ZNF112: variants seen among roughly 807,000 people sequenced by gnomAD.
ZNF112 encodes zinc finger protein 112.
A neutral mutation model predicts 77.7 loss-of-function variants in ZNF112; 37 were observed. The observed-to-expected ratio is 0.48, with a 90% confidence interval of 0.37 to 0.63. The LOEUF is 0.63. Ranked by LOEUF, ZNF112 falls within the 20% of genes least tolerant of loss-of-function variation. The pLI is 0.00. For missense variants in ZNF112, 950 were observed against 1,077.4 expected (o/e 0.88, Z 1.66); for synonymous variants, 333 against 363.6 (o/e 0.92, Z 0.96).
Position 44,328,408 on chromosome 19 carries a change from C to T in ZNF112, c.1749G>A (p.Gly583=). ...CTTGAAGGTATGAATTTCGACTGAACCCCTTCCCACATTCCTCACATTTAT... is the reference window on the plus strand; with the variant it reads ...CTTGAAGGTATGAATTTCGACTGAATCCCTTCCCACATTCCTCACATTTAT... ...KPYKCEECGK[G]FSRNSYLQGH... is the part of the protein sequence containing the mutation. Residue 583 remains glycine, a synonymous_variant, in exon 4 of 4, where the codon GGG becomes GGA. Transcript: ENST00000354340. The T allele has an allele frequency of 1.2e-6, 2 of 1,613,484 alleles. No individual in the cohort carries two copies. The highest frequency in any genetic ancestry group is 1.7e-4 in the Middle Eastern group (1 of 6,060).
intron 1 of ZNF112, among the ~76,000 whole-genome samples, chr19:44,364,680 A>T (rs1331508124): frequency 1.3e-5 from 2 of 152,236 alleles, no homozygotes; most frequent in Non-Finnish European, 2.9e-5. Flanking sequence ...TAACACAAAT[A>T]AAAAACCCAA....
rs2123139290 is a variant in ZNF112, at chr19:44,329,231, T to C, written c.926A>G (p.Asn309Ser). 1 of 1,613,884 alleles carries C rather than the reference T, an allele frequency of 6.2e-7. No individual in the cohort carries two copies. The highest frequency in any genetic ancestry group is 2.2e-5 in the East Asian group (1 of 44,860). ...TCTCTGATAGGATTTCAGATGTGAA[T>C]TCTCAATATCATCTTCTCTCTCAAT... ...QNIEREDDIE[N>S]SHLKSYQRVH... The change falls in exon 4 of 4, where the codon AAT (asparagine) becomes AGT (serine). Residue 309 changes from asparagine to serine, a missense_variant. Physicochemically the swap from Asn to Ser is conservative, Grantham distance 46 (BLOSUM62 1). Coordinates refer to ENST00000354340, the MANE Select transcript of ZNF112 (RefSeq NM_013380.4).
intron 1 of ZNF112, among the ~76,000 whole-genome samples, chr19:44,355,482 C>T (rs1970769948): frequency 6.6e-6 from 1 of 152,112 alleles, no homozygotes; most frequent in South Asian, 2.1e-4. Context: ...CTTGCTTTCA[C>T]GGTCCTCTAG....
intron 3 of ZNF112, among the ~76,000 whole-genome samples, chr19:44,335,961 G>A (rs1599918449): frequency 6.6e-6 from 1 of 152,326 alleles, no homozygotes; most frequent in Non-Finnish European, 1.5e-5. Flanking sequence ...CTGTGGCTAT[G>A]TCAAGAGATT....
intron 1 of ZNF112, among the ~76,000 whole-genome samples, chr19:44,362,204 A>T (rs1399637524): frequency 2.6e-5 from 4 of 152,080 alleles, no homozygotes; most frequent in Non-Finnish European, 4.4e-5. Flanking sequence ...CTCATATTGG[A>T]AGGAGGAGAA....
chr19:44,354,233 G>A lies in ZNF112; in HGVS notation c.-4+2393C>T, dbSNP rs543194382. The stretch of plus-strand genomic sequence containing the variant: ...GGTATGGTGAGGGGTAATTATGAGG[G>A]AAGACATGAGGGGAGTTTTTGGGGT... On this transcript the variant is annotated intron_variant, in intron 1 of 3. Transcript: ENST00000354340. 2.0e-5 allele frequency among the ~76,000 whole-genome samples: 3 copies of A among 152,190 alleles called. No homozygotes were observed. In the South Asian group the frequency reaches 6.2e-4, roughly 32 times the overall value.
rs563995564 is a variant in ZNF112, at chr19:44,366,007, A to G, written c.17+1074T>C. ...TCATTACAAAATGAAGCTCCAAAGA[A>G]ACAGTCAGTTATGTATACACTGTAG... On this transcript the variant is annotated intron_variant, in intron 1 of 4. Coordinates refer to the ZNF112 transcript ENST00000588057. Among the ~76,000 whole-genome samples the G allele has an allele frequency of 3.3e-5, 5 of 152,290 alleles. No homozygotes were observed. The South Asian group carries it at 1.0e-3, about 32-fold the overall frequency.
chr19:44,328,287 C>T lies in ZNF112; in HGVS notation c.1870G>A (p.Val624Ile), dbSNP rs1970173975. Residue 624 changes from valine to isoleucine, a missense_variant, in exon 4 of 4, where the codon GTC becomes ATC. Coordinates refer to ENST00000354340, the MANE Select transcript of ZNF112 (RefSeq NM_013380.4). ...TTGAATGGTTTTTCTCCAGTGTGGA[C>T]TCTCTGATGGCCTTGAAGGTGTGAA... ...RSSHLQGHQR[V>I]HTGEKPFKCE... The T allele has an allele frequency of 6.2e-7, 1 of 1,614,026 alleles. No individual in the cohort carries two copies. The highest frequency in any genetic ancestry group is 1.7e-5 in the Admixed American group (1 of 59,996).
At chr19:44,337,388 A>ATATATATTATACATATTT (rs1368185895) in intron 2 of ZNF112, among the ~76,000 whole-genome samples, 2 of 58,206 alleles carry the variant, frequency 3.4e-5, no homozygotes, top group Non-Finnish European at 6.0e-5. Flanking sequence ...ATATATAATA[A>ATATATATTATACATATTT]TATATATAAT....
At position 44,328,854 on chromosome 19, in the gene ZNF112, T is replaced by G; in HGVS notation, c.1303A>C (p.Asn435His). 1 of 1,614,056 alleles carries G rather than the reference T, an allele frequency of 6.2e-7. No homozygotes were observed. The highest frequency in any genetic ancestry group is 8.5e-7 in the Non-Finnish European group (1 of 1,179,972). The change falls in exon 4 of 4, where the codon AAT (asparagine) becomes CAT (histidine). Residue 435 changes from asparagine (N) to histidine (H), a missense_variant. Transcript: ENST00000354340. The stretch of plus-strand genomic sequence containing the variant: ...CCACACTCCTCAGAATTATATGAAT[T>G]CTCTTCCATATGAACCCTATGCTGA... ...DIQHRVHMEENSYNSEECGNG... is the reference protein window; with the variant it reads ...DIQHRVHMEEHSYNSEECGNG...
chr19:44,333,066 G>C (rs1263728191), intron 3 of ZNF112, among the ~76,000 whole-genome samples: 2 of 152,218 alleles, frequency 1.3e-5, no homozygotes, highest in Non-Finnish European at 2.9e-5. Flanking sequence ...GACATCATTT[G>C]AGGTAAGAAG....
chr19:44,327,334 T>C lies in ZNF112; in HGVS notation c.*99A>G. On this transcript the variant is annotated 3_prime_UTR_variant, in exon 4 of 4. Transcript: ENST00000354340. ...TGTGGTCTCCTGGCCATTATGAATG[T>C]TGAAGTTGGGCAGCAACATTACATT... 1.0e-6 allele frequency: 1 copy of C among 970,142 alleles called. No homozygotes were observed. The allele number at this position is 970,142 out of a possible 1,614,324, so 60.1% of individuals were successfully genotyped here. A position where few individuals can be genotyped will look rare whatever the true frequency, so the allele number is the denominator to read the frequency against.
intron 1 of ZNF112, among the ~76,000 whole-genome samples, chr19:44,355,067 CA>C (rs921832202): frequency 3.2e-4 from 46 of 143,620 alleles, no homozygotes; most frequent in Admixed American, 3.5e-4. Flanking sequence ...AATACTGAAA[CA>C]AAAAAAAAAG....
intron 2 of ZNF112, 112 bp from the exon 3 acceptor site, chr19:44,336,830 C>T (rs73555168): frequency 0.055 from 42,719 of 771,672 alleles, 1,563 homozygotes; most frequent in African/African-American, 0.13. Flanking sequence ...ACATCCCTTC[C>T]ACCCTGTTAC....
chr19:44,347,056 C>CT (rs745324501), intron 1 of ZNF112, among the ~76,000 whole-genome samples: 8 of 152,090 alleles, frequency 5.3e-5, no homozygotes, highest in Admixed American at 2.0e-4. Flanking sequence ...GTGGGTTTCT[C>CT]TATTTTTTTC....
chr19:44,359,315 CTTTTTTTTTTTTT>C (rs767955186), upstream of ZNF112, among the ~76,000 whole-genome samples: 1,013 of 54,870 alleles, frequency 0.018, 18 homozygotes, highest in Non-Finnish European at 0.028. Context: ...TATTAGAGTT[CTTTTTTTTTTTTT>C]TTTTTTTTTT....
In ZNF112 at chr19:44,329,434, A is replaced by C. The variant is rs1970221600; in HGVS notation, c.723T>G (p.Asn241Lys). ...TCTCCTCTGTTTGAATTGACTCCTGATTAAGTAATGATACCTTCATGATAT... is the reference window on the plus strand; with the variant it reads ...TCTCCTCTGTTTGAATTGACTCCTGCTTAAGTAATGATACCTTCATGATAT... ...GEDIMKVSLL[N>K]QESIQTEEKP... The change falls in exon 4 of 4, where the codon AAT becomes AAG. Residue 241 changes from asparagine to lysine, a missense_variant. By Grantham distance (94) the Asn-to-Lys change is moderately conservative. Transcript: ENST00000354340. 1 of 1,613,944 alleles carries C rather than the reference A, an allele frequency of 6.2e-7. No individual in the cohort carries two copies.
rs1360857930 is a variant in ZNF112, at chr19:44,329,399, G to A, written c.758C>T (p.Pro253Leu). 5.6e-6 allele frequency: 9 copies of A among 1,614,018 alleles called. No homozygotes were observed. The highest frequency in any genetic ancestry group is 7.6e-6 in the Non-Finnish European group (9 of 1,179,970). ...GAAGGCTTTTCTATACCCAGTACAT[G>A]GATAGGGCTTCTCCTCTGTTTGAAT... ...ESIQTEEKPY[P>L]CTGYRKAFSN... is the part of the protein sequence containing the mutation. Residue 253 changes from proline to leucine, a missense_variant, in exon 4 of 4, where the codon CCA becomes CTA. Coordinates refer to ENST00000354340, the MANE Select transcript of ZNF112 (RefSeq NM_013380.4).
chr19:44,357,447 T>G (rs1970804506), upstream of ZNF112, among the ~76,000 whole-genome samples: 1 of 152,218 alleles, frequency 6.6e-6, no homozygotes. Flanking sequence ...GATCTCAACC[T>G]TTCTTTGACT....
Sources: allele counts gnomAD v4.1 joint callset (sites outside exome capture counted in the v4.1 genomes callset), GRCh38; gene constraint gnomAD v4.1.1; transcripts MANE v1.5; gene names NCBI Gene and HGNC (gene_info 2026-07-23, HGNC 2026-07-21).